Variants in TAF4B observed in about 807,000 individuals in gnomAD.
The protein encoded by TAF4B is transcription initiation factor TFIID subunit 4B.
Under a neutral mutation model 86.4 loss-of-function variants are expected in TAF4B, and 38 were observed. The observed-to-expected ratio is 0.44, with a 90% confidence interval of 0.34 to 0.58. TAF4B has a LOEUF of 0.58. Ranked by LOEUF, TAF4B falls within the 20% of genes least tolerant of loss-of-function variation. The probability of loss-of-function intolerance (pLI) is 0.02; values close to 1 mark genes in which losing one functional copy is unlikely to be tolerated. For missense variants in TAF4B, 988 were observed against 1,027.6 expected (o/e 0.96, Z 0.53); for synonymous variants, 388 against 391.2 (o/e 0.99, Z 0.10).
chr18:26,349,183 G>A (rs2057224195), intron 13 of TAF4B, among the ~76,000 whole-genome samples: 3 of 151,932 alleles, frequency 2.0e-5, no homozygotes, highest in Admixed American at 2.0e-4. Flanking sequence ...TGAAGTTTGG[G>A]GTACGATTGA....
At chr18:26,327,814 G>T (rs1271193036) in intron 12 of TAF4B, among the ~76,000 whole-genome samples, 1 of 152,204 alleles carries the variant, frequency 6.6e-6, no homozygotes, top group African/African-American at 2.4e-5. Flanking sequence ...TTGGAACTCC[G>T]ACCTTGGGTG....
chr18:26,301,845 C>T (rs1001411769), intron 9 of TAF4B, among the ~76,000 whole-genome samples: 5 of 152,142 alleles, frequency 3.3e-5, no homozygotes, highest in Admixed American at 3.3e-4. Flanking sequence ...TTGCCTAATG[C>T]TCTGTTGGCT....
At chr18:26,271,732 T>G (rs1341066304) in intron 3 of TAF4B, among the ~76,000 whole-genome samples, 1 of 152,032 alleles carries the variant, frequency 6.6e-6, no homozygotes, top group East Asian at 1.9e-4. Flanking sequence ...GAGACCAGCT[T>G]GGCCAACATG....
At chr18:26,265,428 G>A (rs537416814) in intron 2 of TAF4B, 113 bp downstream of exon 2, 78 of 1,250,886 alleles carry the variant, frequency 6.2e-5, no homozygotes, top group Middle Eastern at 2.2e-4. Context: ...ATTCTATTCA[G>A]CTTTTTAGGT....
intron 14 of TAF4B, among the ~76,000 whole-genome samples, chr18:26,374,436 T>A (rs535898929): frequency 1.2e-3 from 186 of 152,326 alleles, no homozygotes; most frequent in African/African-American, 4.3e-3. Flanking sequence ...TATTCCATAA[T>A]GTTGTACCTG....
chr18:26,237,159 G>A (rs1343027231), intron 1 of TAF4B, among the ~76,000 whole-genome samples: 3 of 152,208 alleles, frequency 2.0e-5, no homozygotes, highest in Non-Finnish European at 4.4e-5. Context: ...CTGACTGGTA[G>A]TGAATTTATC....
At chr18:26,300,672 CATG>C (rs2056721779) in intron 9 of TAF4B, among the ~76,000 whole-genome samples, 1 of 152,036 alleles carries the variant, frequency 6.6e-6, no homozygotes, top group Non-Finnish European at 1.5e-5. Flanking sequence ...ATTAATATCT[CATG>C]AGCACTTGGG....
In TAF4B at chr18:26,265,086, G is replaced by T. The variant is rs913678496; in HGVS notation, c.344-84G>T. ...ATTGAAGACATCTTTTTAAAGTGTTGAAAGAAATGGGAGAAGAAAATATGT... is the reference window on the plus strand; with the variant it reads ...ATTGAAGACATCTTTTTAAAGTGTTTAAAGAAATGGGAGAAGAAAATATGT... On this transcript the variant is annotated intron_variant, in intron 1 of 14. Coordinates refer to ENST00000269142, the MANE Select transcript of TAF4B (RefSeq NM_005640.3). 5.7e-6 allele frequency: 8 copies of T among 1,413,222 alleles called. No homozygotes were observed. In the African/African-American group the frequency reaches 1.2e-4, roughly 20 times the overall value. The allele number at this position is 1,413,222 out of a possible 1,614,324, so 87.5% of individuals were successfully genotyped here.
chr18:26,346,905 G>GTATATATA (rs1302095176), intron 13 of TAF4B, among the ~76,000 whole-genome samples: 2 of 7,826 alleles, frequency 2.6e-4, no homozygotes, highest in East Asian at 0.01. Flanking sequence ...ATATATGTGT[G>GTATATATA]TGTATATATA....
chr18:26,292,442 A>G, intron 8 of TAF4B, 61 bp downstream of exon 8: 1 of 1,532,584 alleles, frequency 6.5e-7, no homozygotes, highest in East Asian at 2.3e-5. Context: ...GGTTTTGTAT[A>G]ACTTTTTTGT....
intron 10 of TAF4B, among the ~76,000 whole-genome samples, chr18:26,319,863 T>TA (rs2056947255): frequency 6.6e-6 from 1 of 152,146 alleles, no homozygotes; most frequent in South Asian, 2.1e-4. Flanking sequence ...GTGCTGGAAT[T>TA]ACAGGCGTGT....
intron 14 of TAF4B, among the ~76,000 whole-genome samples, chr18:26,364,606 A>G (rs2144321342): frequency 6.6e-6 from 1 of 152,092 alleles, no homozygotes; most frequent in East Asian, 1.9e-4. Flanking sequence ...ACTTTCAAAT[A>G]TTTTGCATGC....
At chr18:26,330,810 T>G (rs898676278) in intron 12 of TAF4B, among the ~76,000 whole-genome samples, 3 of 152,224 alleles carry the variant, frequency 2.0e-5, no homozygotes, top group Admixed American at 6.5e-5. Context: ...CCCATTATCC[T>G]TGATATATTT....
At chr18:26,327,168 ATG>A in intron 12 of TAF4B, 28 bp downstream of exon 12, 1 of 1,603,634 alleles carries the variant, frequency 6.2e-7, no homozygotes. Flanking sequence ...TTATGAGTGA[ATG>A]TGGCCTGGCA....
At chr18:26,353,225 T>C (rs2057259081) in intron 13 of TAF4B, among the ~76,000 whole-genome samples, 1 of 152,206 alleles carries the variant, frequency 6.6e-6, no homozygotes, top group South Asian at 2.1e-4. Context: ...AAAGAATGTA[T>C]TGATCTTGAC....
chr18:26,286,569 A>G, intron 7 of TAF4B, 70 bp downstream of exon 7: 12 of 1,500,020 alleles, frequency 8.0e-6, no homozygotes, highest in Non-Finnish European at 1.1e-5. Flanking sequence ...AACTGGTAAG[A>G]CTAGTAGAAA....
At chr18:26,359,981 G>T (rs2057317969) in intron 14 of TAF4B, among the ~76,000 whole-genome samples, 1 of 151,886 alleles carries the variant, frequency 6.6e-6, no homozygotes. Flanking sequence ...GCCTCCCAAA[G>T]TGCTAGGATT....
At chr18:26,241,764 C>G (rs1470029745) in intron 1 of TAF4B, among the ~76,000 whole-genome samples, 1 of 152,144 alleles carries the variant, frequency 6.6e-6, no homozygotes, top group Non-Finnish European at 1.5e-5. Context: ...TAAATGTTCC[C>G]AGAGATTCTG....
At position 26,246,093 on chromosome 18, in the gene TAF4B, A is replaced by C. The variant is rs567172197; in HGVS notation, c.343+18817A>C. Among the ~76,000 whole-genome samples, 6 of 152,364 alleles carry C rather than the reference A, an allele frequency of 3.9e-5. No individual in the cohort carries two copies. In the East Asian group the frequency reaches 1.2e-3, roughly 29 times the overall value. ...AAAATTGTTTAAATATGTAATCAAC[A>C]GTATTAATACTTAATTTTAGAAAAC... On this transcript the variant is annotated intron_variant, in intron 1 of 14. Coordinates refer to ENST00000269142, the MANE Select transcript of TAF4B (RefSeq NM_005640.3).
Sources: allele counts gnomAD v4.1 joint callset (sites outside exome capture counted in the v4.1 genomes callset), GRCh38; gene constraint gnomAD v4.1.1; transcripts MANE v1.5; gene names NCBI Gene and HGNC (gene_info 2026-07-23, HGNC 2026-07-21).